Variants in VPS53 observed in about 807,000 individuals in gnomAD.
The protein encoded by VPS53 is vacuolar protein sorting-associated protein 53 homolog.
In VPS53, 70 loss-of-function variants were observed where a neutral mutation model predicts 107.0. That is an observed-to-expected ratio of 0.65 (90% confidence interval 0.54 to 0.80). The LOEUF (loss-of-function observed/expected upper bound fraction) is 0.80, where lower values mean the gene tolerates loss of function less well. VPS53 is among the 30% of genes least tolerant of loss of function. VPS53 has a pLI of 0.00. For missense variants in VPS53, 917 were observed against 1,049.4 expected (o/e 0.87, Z 1.74); for synonymous variants, 409 against 393.3 (o/e 1.04, Z -0.47).
At chr17:621,138 A>AAG (rs1567682588) in intron 11 of VPS53, among the ~76,000 whole-genome samples, 1 of 152,144 alleles carries the variant, frequency 6.6e-6, no homozygotes, top group Non-Finnish European at 1.5e-5. Flanking sequence ...ATCCACTGTT[A>AAG]CCATTTCCAG....
chr17:509,754 AT>A lies in VPS53; in HGVS notation c.*9373del, dbSNP rs1907830389. 5.9e-6 allele frequency: 1 copy of A among 169,512 alleles called. No individual in the cohort carries two copies. The highest frequency in any genetic ancestry group is 1.3e-5 in the Non-Finnish European group (1 of 79,222). 10.5% of individuals were successfully genotyped at this position (169,512 alleles called of 1,614,324 possible). A position where few individuals can be genotyped will look rare whatever the true frequency, so the allele number is the denominator to read the frequency against. The stretch of plus-strand genomic sequence containing the variant: ...TCACCCCTCACTTGTCACGTATTGA[AT>A]CCTGGCTCACCCCCTTACTAGTCAC... On this transcript the variant is annotated 3_prime_UTR_variant, in exon 22 of 22. Transcript: ENST00000437048.
chr17:630,597 G>A (rs776667804), intron 8 of VPS53, among the ~76,000 whole-genome samples: 1 of 152,196 alleles, frequency 6.6e-6, no homozygotes, highest in Non-Finnish European at 1.5e-5. Context: ...TTAAAATCAG[G>A]AGCGGGCTTC....
chr17:712,753 T>C (rs1973691444), intron 1 of VPS53, among the ~76,000 whole-genome samples: 1 of 152,184 alleles, frequency 6.6e-6, no homozygotes, highest in Admixed American at 6.6e-5. Flanking sequence ...ATGTAATTCA[T>C]CCATGTAATC....
intron 13 of VPS53, among the ~76,000 whole-genome samples, chr17:570,809 G>C (rs1913969475): frequency 6.6e-6 from 1 of 152,196 alleles, no homozygotes; most frequent in African/African-American, 2.4e-5. Flanking sequence ...GGATGAAGCA[G>C]TAATACTGTA....
chr17:536,422 A>G (rs1260653868), intron 18 of VPS53: 1 of 152,274 alleles, frequency 6.6e-6, no homozygotes, highest in Non-Finnish European at 1.5e-5. Flanking sequence ...AAATGCATAT[A>G]TGAAATCCCT....
At chr17:693,802 A>G (rs1327643769) in intron 4 of VPS53, among the ~76,000 whole-genome samples, 1 of 89,478 alleles carries the variant, frequency 1.1e-5, no homozygotes. Context: ...TAAATTTATA[A>G]AACGAAAACC....
chr17:561,374 T>C (rs1567627029), intron 14 of VPS53, among the ~76,000 whole-genome samples: 1 of 152,212 alleles, frequency 6.6e-6, no homozygotes, highest in Non-Finnish European at 1.5e-5. Flanking sequence ...GAACAGTCTC[T>C]CTACTGACAT....
chr17:652,477 G>A (rs948747252), intron 7 of VPS53, among the ~76,000 whole-genome samples: 1 of 152,152 alleles, frequency 6.6e-6, no homozygotes, highest in African/African-American at 2.4e-5. Flanking sequence ...CCAAGGCTTG[G>A]TTCTCTTGGG....
chr17:656,724 G>C, intron 5 of VPS53: 1 of 683,094 alleles, frequency 1.5e-6, no homozygotes, highest in Non-Finnish European at 2.6e-6. Flanking sequence ...GTGTGTGTGT[G>C]TGTGTGTTTT....
intron 7 of VPS53, among the ~76,000 whole-genome samples, chr17:645,121 T>C (rs1970634197): frequency 6.6e-6 from 1 of 152,174 alleles, no homozygotes; most frequent in African/African-American, 2.4e-5. Flanking sequence ...ACTACCTCTT[T>C]AAACAAATGT....
intron 7 of VPS53, among the ~76,000 whole-genome samples, chr17:642,466 C>T (rs1240552948): frequency 6.6e-6 from 1 of 151,628 alleles, no homozygotes; most frequent in Non-Finnish European, 1.5e-5. Context: ...GAGGACAACA[C>T]TCATACTTGG....
intron 4 of VPS53, among the ~76,000 whole-genome samples, chr17:688,521 T>C (rs1972668058): frequency 6.6e-6 from 1 of 152,198 alleles, no homozygotes; most frequent in Non-Finnish European, 1.5e-5. Flanking sequence ...GGATGAAGAA[T>C]GGTAGTGAGG....
intron 4 of VPS53, among the ~76,000 whole-genome samples, chr17:663,364 C>T (rs768243997): frequency 1.3e-5 from 2 of 152,224 alleles, no homozygotes; most frequent in African/African-American, 4.8e-5. Flanking sequence ...CCAGAAAGTT[C>T]CTGTGAGTGC....
At chr17:701,195 A>T (rs1028448591) in intron 2 of VPS53, among the ~76,000 whole-genome samples, 2 of 152,030 alleles carry the variant, frequency 1.3e-5, no homozygotes, top group Non-Finnish European at 2.9e-5. Flanking sequence ...GCATGGTGGC[A>T]TGTGCTTGCA....
At chr17:599,279 T>G (rs1349338945) in intron 12 of VPS53, among the ~76,000 whole-genome samples, 2 of 152,258 alleles carry the variant, frequency 1.3e-5, no homozygotes, top group East Asian at 3.9e-4. Flanking sequence ...GAACGGGCCA[T>G]GATGACAATG....
chr17:684,712 C>T (rs750349602), intron 4 of VPS53, among the ~76,000 whole-genome samples: 10 of 152,176 alleles, frequency 6.6e-5, no homozygotes, highest in South Asian at 4.2e-4. Context: ...GTTGGCCGGG[C>T]GCGGTGGCTC....
intron 4 of VPS53, among the ~76,000 whole-genome samples, chr17:691,309 G>A (rs1350615598): frequency 6.6e-6 from 1 of 152,170 alleles, no homozygotes. Context: ...GTCTAAGAAA[G>A]GAGTTTCTCA....
chr17:604,062 C>G (rs1166659967), intron 11 of VPS53, among the ~76,000 whole-genome samples: 1 of 152,158 alleles, frequency 6.6e-6, no homozygotes, highest in African/African-American at 2.4e-5. Context: ...GTGACAGACA[C>G]AGAATTTGAG....
At chr17:585,839 G>A (rs1967282578) in intron 13 of VPS53, among the ~76,000 whole-genome samples, 1 of 152,098 alleles carries the variant, frequency 6.6e-6, no homozygotes, top group Non-Finnish European at 1.5e-5. Flanking sequence ...TCTCTGAGGA[G>A]GGCATGTGAA....
Sources: allele counts gnomAD v4.1 joint callset (sites outside exome capture counted in the v4.1 genomes callset), GRCh38; gene constraint gnomAD v4.1.1; transcripts MANE v1.5; gene names NCBI Gene and HGNC (gene_info 2026-07-23, HGNC 2026-07-21).